Variants in DLGAP1 observed in about 807,000 individuals in gnomAD.
DLGAP1 encodes the protein disks large-associated protein 1.
A neutral mutation model predicts 90.8 loss-of-function variants in DLGAP1; 11 were observed. The ratio of observed to expected loss-of-function variants is 0.12; its 90% CI spans 0.08 to 0.20. The LOEUF (loss-of-function observed/expected upper bound fraction) is 0.20, where lower values mean the gene tolerates loss of function less well. DLGAP1 is among the 10% of genes least tolerant of loss of function. The pLI is 1.00. For synonymous variants in DLGAP1, 558 were observed against 540.7 expected (o/e 1.03, Z -0.44); for missense variants, 1,050 against 1,333.8 (o/e 0.79, Z 3.31).
In DLGAP1 at chr18:3,635,261, G is replaced by A. The variant is rs574384722; in HGVS notation, c.1592-53013C>T. 1.1e-3 allele frequency among the ~76,000 whole-genome samples: 163 copies of A among 152,088 alleles called. 2 individuals carry two copies. The highest frequency in any genetic ancestry group is 3.8e-3 in the African/African-American group (159 of 41,458). On this transcript the variant is annotated intron_variant, in intron 7 of 12. Coordinates refer to ENST00000315677, the MANE Select transcript of DLGAP1 (RefSeq NM_004746.4). ...TTCTCCTGCCTCAGCCTCCCGAGTAGCTGGGACTACAGGCGCCCGCCACCA... is the reference window on the plus strand; with the variant it reads ...TTCTCCTGCCTCAGCCTCCCGAGTAACTGGGACTACAGGCGCCCGCCACCA...
intron 3 of DLGAP1, chr18:3,992,950 T>C (rs553391348): frequency 6.6e-6 from 1 of 152,322 alleles, no homozygotes; most frequent in East Asian, 1.9e-4. Flanking sequence ...AATCCAGTTT[T>C]AAATTTTGCT....
At chr18:4,217,996 C>T (rs1308735484) in intron 1 of DLGAP1, among the ~76,000 whole-genome samples, 2 of 150,446 alleles carry the variant, frequency 1.3e-5, no homozygotes, top group Non-Finnish European at 2.9e-5. Flanking sequence ...AAACTAAAGT[C>T]ATGTACGTTT....
At chr18:3,802,888 C>T (rs2066377426) in intron 5 of DLGAP1, among the ~76,000 whole-genome samples, 1 of 152,092 alleles carries the variant, frequency 6.6e-6, no homozygotes, top group Non-Finnish European at 1.5e-5. Context: ...TTACTTGGGG[C>T]CTCCATATCC....
At chr18:3,811,795 T>C (rs1226008659) in intron 5 of DLGAP1, among the ~76,000 whole-genome samples, 3 of 152,216 alleles carry the variant, frequency 2.0e-5, no homozygotes, top group Non-Finnish European at 2.9e-5. Context: ...AGAGTTTCAA[T>C]GACTTCAGAG....
intron 4 of DLGAP1, chr18:3,874,307 C>T: frequency 1.3e-6 from 2 of 1,543,686 alleles, no homozygotes; most frequent in Non-Finnish European, 1.7e-6. Flanking sequence ...CCCTCTGTCT[C>T]TCTCTCTCCA....
intron 2 of DLGAP1, among the ~76,000 whole-genome samples, chr18:4,111,741 T>C (rs2075976597): frequency 6.6e-6 from 1 of 152,010 alleles, no homozygotes; most frequent in African/African-American, 2.4e-5. Flanking sequence ...TTATATAATG[T>C]TTCTTTATAA....
chr18:4,400,140 C>G (rs964084328), intron 1 of DLGAP1, among the ~76,000 whole-genome samples: 5 of 152,074 alleles, frequency 3.3e-5, no homozygotes, highest in Admixed American at 2.6e-4. Context: ...AACCACTACC[C>G]GGGACATCCA....
At chr18:3,856,152 T>A (rs1480609901) in intron 4 of DLGAP1, among the ~76,000 whole-genome samples, 1 of 152,168 alleles carries the variant, frequency 6.6e-6, no homozygotes, top group Non-Finnish European at 1.5e-5. Flanking sequence ...TTTTCCTGAA[T>A]AAACAACTAG....
rs1555663022 is a variant in DLGAP1, at chr18:3,772,346, C to CTCTCTT, written c.1173-29835_1173-29834insAAGAGA. Among the ~76,000 whole-genome samples, 2 of 14,216 alleles carry CTCTCTT rather than the reference C, an allele frequency of 1.4e-4. 1 individual carries two copies. Among genetic ancestry groups the CTCTCTT allele is most frequent in the Admixed American group, 1.6e-3 (2 of 1,256 alleles). The allele number at this position is 14,216 out of a possible 152,430, so 9.3% of individuals were successfully genotyped here. ...CCTTTCTCTCCTTCTCTCTCTCTCT[C>CTCTCTT]TCTTTCTTTCTTTCTTTCTTTCTTT... On this transcript the variant is annotated intron_variant, in intron 5 of 12. Coordinates refer to ENST00000315677, the MANE Select transcript of DLGAP1 (RefSeq NM_004746.4).
intron 2 of DLGAP1, among the ~76,000 whole-genome samples, chr18:4,108,929 C>T (rs1251973394): frequency 6.6e-6 from 1 of 152,152 alleles, no homozygotes; most frequent in East Asian, 1.9e-4. Flanking sequence ...TTTGACACAG[C>T]TCTTACAGTA....
chr18:3,755,188 T>C (rs2063670772), intron 5 of DLGAP1, among the ~76,000 whole-genome samples: 3 of 151,874 alleles, frequency 2.0e-5, no homozygotes, highest in African/African-American at 4.8e-5. Flanking sequence ...AGAAAAAATA[T>C]ATATAACACA....
At chr18:3,572,069 G>GTTTTTTTTTTT (rs67491547) in intron 8 of DLGAP1, among the ~76,000 whole-genome samples, 20 of 105,622 alleles carry the variant, frequency 1.9e-4, no homozygotes, top group East Asian at 6.1e-4. Context: ...TTTCTTCTAG[G>GTTTTTTTTTTT]TTTTTTTTTT....
At chr18:4,108,046 C>T (rs549539477) in intron 2 of DLGAP1, among the ~76,000 whole-genome samples, 1 of 152,324 alleles carries the variant, frequency 6.6e-6, no homozygotes, top group South Asian at 2.1e-4. Flanking sequence ...CCTATTCCCT[C>T]TCTCCTGAAG....
chr18:4,063,679 T>G (rs73382628), intron 2 of DLGAP1, among the ~76,000 whole-genome samples: 37,108 of 151,960 alleles, frequency 0.24, 5,667 homozygotes, highest in African/African-American at 0.41. Flanking sequence ...CTATTCTCAC[T>G]AAGGGAGCCT....
chr18:4,257,322 T>C (rs975084899), intron 1 of DLGAP1, among the ~76,000 whole-genome samples: 3 of 152,164 alleles, frequency 2.0e-5, no homozygotes, highest in Non-Finnish European at 4.4e-5. Flanking sequence ...TGAAGTCTTA[T>C]AGTTCAGAAG....
intron 1 of DLGAP1, among the ~76,000 whole-genome samples, chr18:4,164,896 A>C (rs1224017034): frequency 2.6e-5 from 4 of 152,180 alleles, no homozygotes; most frequent in Non-Finnish European, 5.9e-5. Context: ...AGTGAAGATA[A>C]CAGAACACAG....
At chr18:3,655,745 C>A (rs940468608) in intron 7 of DLGAP1, 2 of 250,902 alleles carry the variant, frequency 8.0e-6, no homozygotes, top group African/African-American at 4.4e-5. Context: ...GCTGAAAGAT[C>A]CAGGGCAAAG....
At chr18:3,820,287 C>G (rs1236054532) in intron 4 of DLGAP1, among the ~76,000 whole-genome samples, 1 of 152,170 alleles carries the variant, frequency 6.6e-6, no homozygotes, top group East Asian at 1.9e-4. Flanking sequence ...TATACAAGGG[C>G]AGGCCTGTGC....
At chr18:4,003,044 T>A (rs945375266) in intron 3 of DLGAP1, among the ~76,000 whole-genome samples, 2 of 152,180 alleles carry the variant, frequency 1.3e-5, no homozygotes, top group African/African-American at 4.8e-5. Context: ...GTCACAAACA[T>A]CTCTCCTTCC....
Sources: allele counts gnomAD v4.1 joint callset (sites outside exome capture counted in the v4.1 genomes callset), GRCh38; gene constraint gnomAD v4.1.1; transcripts MANE v1.5; gene names NCBI Gene and HGNC (gene_info 2026-07-23, HGNC 2026-07-21).